Variants in CYFIP1 observed in about 807,000 individuals in gnomAD.
CYFIP1 encodes the protein cytoplasmic FMR1-interacting protein 1.
Under a neutral mutation model 163.5 loss-of-function variants are expected in CYFIP1, and 58 were observed. The observed-to-expected ratio is 0.35, with a 90% CI of 0.29 to 0.44. The LOEUF is 0.44. Ranked by LOEUF, CYFIP1 falls within the 20% of genes least tolerant of loss-of-function variation. The pLI, the probability that CYFIP1 is intolerant of heterozygous loss-of-function variation, is 1.00. For synonymous variants in CYFIP1, 663 were observed against 660.7 expected, an observed-to-expected ratio of 1.00 and a Z score of -0.05; for missense variants, 1,338 against 1,653.8, an observed-to-expected ratio of 0.81 and a Z score of 3.31.
intron 1 of CYFIP1, chr15:22,951,451 C>T: frequency 7.8e-7 from 1 of 1,289,488 alleles, no homozygotes; most frequent in Non-Finnish European, 1.0e-6. Flanking sequence ...CCCTTGGTGT[C>T]CACGCAGGCA....
At chr15:22,943,703 T>C (rs1043926903) in intron 5 of CYFIP1, among the ~76,000 whole-genome samples, 2 of 152,248 alleles carry the variant, frequency 1.3e-5, no homozygotes, top group African/African-American at 4.8e-5. Flanking sequence ...GAGATTTTTT[T>C]CCTCTTGGTA....
intron 23 of CYFIP1, among the ~76,000 whole-genome samples, chr15:22,892,383 C>T (rs1476892787): frequency 2.0e-5 from 3 of 152,178 alleles, no homozygotes; most frequent in East Asian, 1.9e-4. Context: ...ATGGTAGACC[C>T]GGGTGCTCCG....
chr15:22,968,552 C>T lies in CYFIP1; in HGVS notation c.-7+11735G>A, dbSNP rs117095183. ...GATCCTTAAAATAAATCTCTCTAGA[C>T]GCACATCCACACGTATCCTGCTGCT... On this transcript the variant is annotated intron_variant, in intron 1 of 30. Coordinates refer to ENST00000617928, the MANE Select transcript of CYFIP1 (RefSeq NM_014608.6). Among the ~76,000 whole-genome samples, 440 of 152,280 alleles carry T rather than the reference C, an allele frequency of 2.9e-3. 1 individual carries two copies. Among genetic ancestry groups the T allele is most frequent in the Non-Finnish European group, 5.1e-3 (345 of 68,014 alleles).
chr15:22,945,997 C>A (rs77546367), intron 3 of CYFIP1, among the ~76,000 whole-genome samples: 1 of 152,264 alleles, frequency 6.6e-6, no homozygotes, highest in African/African-American at 2.4e-5. Flanking sequence ...TTCTCTAGCA[C>A]ATTTTCATGG....
chr15:22,887,262 AC>A (rs2059950618), intron 23 of CYFIP1, among the ~76,000 whole-genome samples: 1 of 152,212 alleles, frequency 6.6e-6, no homozygotes, highest in Non-Finnish European at 1.5e-5. Flanking sequence ...AAAACTGATT[AC>A]AGTGACGAGA....
Position 22,947,248 on chromosome 15 carries a change from T to C in CYFIP1, c.38A>G (p.Asn13Ser). 6.2e-7 allele frequency: 1 copy of C among 1,613,856 alleles called. No homozygotes were observed. Among genetic ancestry groups the C allele is most frequent in the Non-Finnish European group, 8.5e-7 (1 of 1,179,906 alleles). ...GGGCAGCTCCTCCAGGAGGTCCACGTTGGACAGCGCGTCCTCCAGAGTCAC... is the reference window on the plus strand; with the variant it reads ...GGGCAGCTCCTCCAGGAGGTCCACGCTGGACAGCGCGTCCTCCAGAGTCAC... ...AQVTLEDALS[N>S]VDLLEELPLP... Residue 13 changes from asparagine (N) to serine (S), a missense_variant, in exon 2 of 31, where the codon AAC becomes AGC. Asn to Ser is a conservative substitution (Grantham distance 46). Transcript: ENST00000617928.
At chr15:22,910,652 G>C in intron 19 of CYFIP1, 24 bp from the exon 20 acceptor site, 2 of 1,610,494 alleles carry the variant, frequency 1.2e-6, no homozygotes, top group Non-Finnish European at 1.7e-6. Flanking sequence ...AAGACAGAAA[G>C]TTTTTCATAC....
intron 26 of CYFIP1, among the ~76,000 whole-genome samples, chr15:22,879,404 C>T (rs920311894): frequency 3.3e-5 from 5 of 152,276 alleles, no homozygotes; most frequent in African/African-American, 1.2e-4. Context: ...GTCCACTGTG[C>T]CACGTCCTAA....
intron 11 of CYFIP1, 132 bp from the exon 12 acceptor site, chr15:22,928,160 CG>C: frequency 2.7e-6 from 3 of 1,116,034 alleles, no homozygotes; most frequent in Non-Finnish European, 3.6e-6. Context: ...CCAAGGCGGG[CG>C]GATCACAAGG....
chr15:22,874,532 C>T lies in CYFIP1; in HGVS notation c.3210+18G>A. On this transcript the variant is annotated intron_variant, in intron 28 of 30. Coordinates refer to ENST00000617928, the MANE Select transcript of CYFIP1 (RefSeq NM_014608.6). Reference sequence around the variant, plus strand: ...ATGCCCAGCTTGCAACAGCCACAGCCATCACGGTACACGTTACCTGAGGGG... The same window carrying T: ...ATGCCCAGCTTGCAACAGCCACAGCTATCACGGTACACGTTACCTGAGGGG... 1.3e-6 allele frequency: 2 copies of T among 1,561,686 alleles called. No homozygotes were observed. The highest frequency in any genetic ancestry group is 1.7e-6 in the Non-Finnish European group (2 of 1,155,864).
At chr15:22,924,128 A>T (rs2061283921) in intron 13 of CYFIP1, among the ~76,000 whole-genome samples, 2 of 152,118 alleles carry the variant, frequency 1.3e-5, no homozygotes, top group Non-Finnish European at 2.9e-5. Context: ...TGAATCTTGA[A>T]AATTATGCTA....
chr15:22,911,893 T>G (rs1001695154), intron 18 of CYFIP1, among the ~76,000 whole-genome samples: 5 of 151,760 alleles, frequency 3.3e-5, no homozygotes, highest in Non-Finnish European at 7.4e-5. Flanking sequence ...ACCAAAAAAA[T>G]AGAGAAATAA....
At chr15:22,900,973 C>T (rs923030860) in intron 22 of CYFIP1, among the ~76,000 whole-genome samples, 7 of 151,824 alleles carry the variant, frequency 4.6e-5, no homozygotes, top group Non-Finnish European at 7.4e-5. Flanking sequence ...GTAGCCGAGG[C>T]GGGCAGATCA....
intron 22 of CYFIP1, among the ~76,000 whole-genome samples, chr15:22,896,885 T>C (rs113260750): frequency 0.017 from 2,637 of 152,224 alleles, 40 homozygotes; most frequent in East Asian, 0.027. Context: ...CAGTGCCATG[T>C]TGCATGTCTT....
At chr15:22,921,678 G>C (rs541544612) in intron 13 of CYFIP1, among the ~76,000 whole-genome samples, 1 of 148,360 alleles carries the variant, frequency 6.7e-6, no homozygotes, top group Non-Finnish European at 1.5e-5. Context: ...TTGGCCAGAA[G>C]TAGCTTGAAC....
At position 22,867,863 on chromosome 15, in the gene CYFIP1, A is replaced by T. The variant is rs1418215454; in HGVS notation, c.*2165T>A. On this transcript the variant is annotated 3_prime_UTR_variant, in exon 31 of 31. Coordinates refer to ENST00000617928, the MANE Select transcript of CYFIP1 (RefSeq NM_014608.6). ...TCTAGAAAATGTTTGTTTATGAAGAAGTCGATGGAAAACTGCAAACATATG... is the reference window on the plus strand; with the variant it reads ...TCTAGAAAATGTTTGTTTATGAAGATGTCGATGGAAAACTGCAAACATATG... 1 of 152,228 alleles carries T rather than the reference A, an allele frequency of 6.6e-6. No individual in the cohort carries two copies. Among genetic ancestry groups the T allele is most frequent in the Non-Finnish European group, 1.5e-5 (1 of 68,038 alleles). 9.4% of individuals were successfully genotyped at this position (152,228 alleles called of 1,614,324 possible).
At chr15:22,945,720 TGC>T (rs1300447341) in intron 3 of CYFIP1, among the ~76,000 whole-genome samples, 6 of 151,608 alleles carry the variant, frequency 4.0e-5, no homozygotes, top group African/African-American at 1.5e-4. Context: ...ATTACAGGTG[TGC>T]GCACCACCAT....
chr15:22,940,427 T>G (rs1418783112), intron 6 of CYFIP1, among the ~76,000 whole-genome samples: 1 of 152,148 alleles, frequency 6.6e-6, no homozygotes, highest in Non-Finnish European at 1.5e-5. Flanking sequence ...TGACAAGCAC[T>G]CAAAGTTTAC....
At chr15:22,896,445 G>A (rs2060238987) in intron 22 of CYFIP1, among the ~76,000 whole-genome samples, 1 of 151,900 alleles carries the variant, frequency 6.6e-6, no homozygotes, top group Non-Finnish European at 1.5e-5. Flanking sequence ...CTCTTACTAG[G>A]ATTCCAATCA....
Sources: gnomAD v4.1 joint callset for allele counts (sites outside exome capture counted in the v4.1 genomes callset) on GRCh38, gnomAD v4.1.1 for gene constraint, MANE v1.5 for transcripts, NCBI Gene and HGNC (gene_info 2026-07-23, HGNC 2026-07-21) for gene names.